The following DLGAP5 variants were observed in gnomAD, a reference collection of about 807,000 sequenced individuals.
DLGAP5 encodes DLG associated protein 5.
In DLGAP5, 90 loss-of-function variants were observed where a neutral mutation model predicts 99.6. The ratio of observed to expected loss-of-function variants is 0.90; its 90% CI spans 0.76 to 1.08. DLGAP5 has a LOEUF of 1.08. Ranked by LOEUF, DLGAP5 falls within the 50% of genes least tolerant of loss-of-function variation. The pLI, the probability that DLGAP5 is intolerant of heterozygous loss-of-function variation, is 0.00. For synonymous variants in DLGAP5, 311 were observed against 321.3 expected (o/e 0.97, Z 0.34); for missense variants, 1,036 against 983.5 (o/e 1.05, Z -0.71).
At chr14:55,170,875 G>A (rs1162791936) in intron 10 of DLGAP5, 88 bp from the exon 11 acceptor site, 9 of 920,356 alleles carry the variant, frequency 9.8e-6, no homozygotes, top group African/African-American at 4.9e-5. Flanking sequence ...CATAACATTA[G>A]GAAGTTATAA....
chr14:55,180,954 A>G (rs1250367793), intron 5 of DLGAP5, among the ~76,000 whole-genome samples, 176 bp from the exon 6 acceptor site: 5 of 152,124 alleles, frequency 3.3e-5, no homozygotes, highest in Non-Finnish European at 5.9e-5. Flanking sequence ...CCGTCTCTAC[A>G]AAAAATATAA....
chr14:55,179,002 G>A (rs775735616), intron 7 of DLGAP5, among the ~76,000 whole-genome samples: 2 of 152,040 alleles, frequency 1.3e-5, no homozygotes, highest in African/African-American at 2.4e-5. Flanking sequence ...AGCCAAGATC[G>A]CGCCATTGCA....
At chr14:55,176,806 G>A (rs113179485) in intron 8 of DLGAP5, among the ~76,000 whole-genome samples, 16,658 of 151,254 alleles carry the variant, frequency 0.11, 1,269 homozygotes, top group Non-Finnish European at 0.16. Context: ...GTGAAACCCC[G>A]TCTCTACTAA....
At chr14:55,180,475 T>C (rs1215096820) in intron 6 of DLGAP5, among the ~76,000 whole-genome samples, 181 bp downstream of exon 6, 2 of 152,252 alleles carry the variant, frequency 1.3e-5, no homozygotes, top group Non-Finnish European at 2.9e-5. Context: ...AGGTCTTCAA[T>C]GATTGGGCAC....
chr14:55,189,397 T>C (rs745973251), intron 1 of DLGAP5, among the ~76,000 whole-genome samples: 1 of 151,932 alleles, frequency 6.6e-6, no homozygotes, highest in Non-Finnish European at 1.5e-5. Flanking sequence ...GCTTGACCAG[T>C]GAAGAGAAAG....
At position 55,188,960 on chromosome 14, in the gene DLGAP5, T is replaced by C. The variant is rs1332478530; in HGVS notation, c.220A>G (p.Lys74Glu). ...DETSQGLVPE[K>E]TNVKPRAMKT... ...TACTTACTTGGCTTAACATTGGTCT[T>C]TTCTGGAACAAGCCCTTGAGATGTC... Residue 74 changes from lysine to glutamate, a missense_variant, in exon 2 of 19, where the codon AAG (lysine) becomes GAG (glutamate). Coordinates refer to ENST00000247191, the MANE Select transcript of DLGAP5 (RefSeq NM_014750.5). The C allele has an allele frequency of 6.2e-7, 1 of 1,613,174 alleles. No individual in the cohort carries two copies. Among genetic ancestry groups the C allele is most frequent in the Non-Finnish European group, 8.5e-7 (1 of 1,179,834 alleles).
intron 13 of DLGAP5, among the ~76,000 whole-genome samples, chr14:55,159,683 G>C (rs759207464): frequency 6.6e-6 from 1 of 152,090 alleles, no homozygotes; most frequent in Admixed American, 6.5e-5. Context: ...GATTTTTAAG[G>C]TATATTGAGT....
At chr14:55,174,101 A>G (rs183019133) in intron 10 of DLGAP5, among the ~76,000 whole-genome samples, 37 of 152,296 alleles carry the variant, frequency 2.4e-4, no homozygotes, top group Middle Eastern at 3.4e-3. Flanking sequence ...ATATCACTGA[A>G]TTCTTTTTCT....
intron 18 of DLGAP5, 97 bp from the exon 19 acceptor site, chr14:55,148,570 T>A: frequency 6.3e-7 from 1 of 1,589,396 alleles, no homozygotes; most frequent in Non-Finnish European, 8.5e-7. Flanking sequence ...ATAACAAAAA[T>A]AAACCGGGTG....
intron 6 of DLGAP5, 32 bp from the exon 7 acceptor site, chr14:55,179,731 G>C: frequency 6.5e-7 from 1 of 1,545,730 alleles, no homozygotes. Flanking sequence ...TATTTTACTA[G>C]ATAGAAATGC....
rs549136687 is a variant in DLGAP5, at chr14:55,172,454, T to C, written c.1302-1667A>G. Among the ~76,000 whole-genome samples, 173 of 143,022 alleles carry C rather than the reference T, an allele frequency of 1.2e-3. 1 individual carries two copies. Among genetic ancestry groups the C allele is most frequent in the African/African-American group, 4.1e-3 (167 of 41,088 alleles). The allele number at this position is 143,022 out of a possible 152,430, so 93.8% of individuals were successfully genotyped here. A position where few individuals can be genotyped will look rare whatever the true frequency, so the allele number is the denominator to read the frequency against. ...TTGGTTTTAAATGTCTAGATATTAG[T>C]ACAAAATTCTTTATTTTTATTTTTT... On this transcript the variant is annotated intron_variant, in intron 10 of 18. Coordinates refer to ENST00000247191, the MANE Select transcript of DLGAP5 (RefSeq NM_014750.5).
intron 15 of DLGAP5, among the ~76,000 whole-genome samples, chr14:55,154,401 C>T (rs182764922): frequency 2.6e-5 from 4 of 152,278 alleles, no homozygotes; most frequent in South Asian, 2.1e-4. Context: ...CTTCTTACTG[C>T]TGCAGAATTT....
At position 55,154,630 on chromosome 14, in the gene DLGAP5, T is replaced by C. The variant is rs1882139515; in HGVS notation, c.2050A>G (p.Ile684Val). Residue 684 changes from isoleucine (I) to valine (V), a missense_variant, in exon 15 of 19, where the codon ATT becomes GTT. By Grantham distance (29) the Ile-to-Val change is conservative. Transcript: ENST00000247191. ...EHVKKTLFLS[I>V]PESRSSIEDA... Reference sequence around the variant, plus strand: ...TTAAAGAAATACCTGCTTTCAGGAATACTCAAAAACAAAGTCTTCTTCACA... The same window carrying C: ...TTAAAGAAATACCTGCTTTCAGGAACACTCAAAAACAAAGTCTTCTTCACA... The C allele has an allele frequency of 1.2e-6, 2 of 1,613,784 alleles. No homozygotes were observed. Among genetic ancestry groups the C allele is most frequent in the Non-Finnish European group, 1.7e-6 (2 of 1,179,828 alleles).
chr14:55,158,755 C>T lies in DLGAP5; in HGVS notation c.1654-14G>A. Reference sequence around the variant, plus strand: ...GACAACTTTTTTCTGCAAAGAGAAACTAACATAGTAAAGCTGCCCATTACC... The same window carrying T: ...GACAACTTTTTTCTGCAAAGAGAAATTAACATAGTAAAGCTGCCCATTACC... On this transcript the variant is annotated splice_polypyrimidine_tract_variant and intron_variant, in intron 13 of 18. Transcript: ENST00000247191. The T allele has an allele frequency of 6.3e-7, 1 of 1,599,850 alleles. No individual in the cohort carries two copies. Among genetic ancestry groups the T allele is most frequent in the Non-Finnish European group, 8.6e-7 (1 of 1,167,850 alleles).
chr14:55,169,412 A>G lies in DLGAP5; in HGVS notation c.1535T>C (p.Met512Thr), dbSNP rs1882770817. Reference sequence around the variant, plus strand: ...TGAACCACATACCTGAAAACTAACCATATCCCAAAATCCATCCAGATCTGT... The same window carrying G: ...TGAACCACATACCTGAAAACTAACCGTATCCCAAAATCCATCCAGATCTGT... Reference protein sequence around the residue: ...TCTDLDGFWDMVSFQIEDVIH... With the variant: ...TCTDLDGFWDTVSFQIEDVIH... The change falls in exon 12 of 19, where the codon ATG (methionine) becomes ACG (threonine). Residue 512 changes from methionine to threonine, a missense_variant. Physicochemically the swap from Met to Thr is moderately conservative, Grantham distance 81. Transcript: ENST00000247191. 1.9e-6 allele frequency: 3 copies of G among 1,540,916 alleles called. No homozygotes were observed. The highest frequency in any genetic ancestry group is 2.6e-6 in the Non-Finnish European group (3 of 1,150,904).
At chr14:55,162,005 C>A (rs1473655180) in intron 13 of DLGAP5, among the ~76,000 whole-genome samples, 1 of 149,668 alleles carries the variant, frequency 6.7e-6, no homozygotes, top group Non-Finnish European at 1.5e-5. Flanking sequence ...TAATAAAATA[C>A]CAATCTAGAC....
Position 55,177,087 on chromosome 14 carries a change from T to G in DLGAP5, c.1024A>C (p.Thr342Pro). 6.6e-7 allele frequency: 1 copy of G among 1,507,034 alleles called. No homozygotes were observed. 93.4% of individuals were successfully genotyped at this position (1,507,034 alleles called of 1,614,324 possible). ...ACTTCTGTTTTTAAAGGAGTCCAGG[T>G]GTAACTGGGTGTCAAAAAAGCATTG... ...SANAFLTPSY[T>P]WTPLKTEVDE... The change falls in exon 8 of 19, where the codon ACC becomes CCC. Residue 342 changes from threonine (T) to proline (P), a missense_variant. By Grantham distance (38) the Thr-to-Pro change is conservative (BLOSUM62 -1). Coordinates refer to ENST00000247191, the MANE Select transcript of DLGAP5 (RefSeq NM_014750.5).
rs1881897482 is a variant in DLGAP5 at position 55,148,432 on chromosome 14, C to T, written c.2460G>A (p.Arg820=). 1 of 1,614,058 alleles carries T rather than the reference C, an allele frequency of 6.2e-7. No individual in the cohort carries two copies. The highest frequency in any genetic ancestry group is 8.5e-7 in the Non-Finnish European group (1 of 1,180,028). ...TGTGTCTGGCATGTTCTTGATGTCT[C>T]CTCTCCAGCTGAGTAAATGGATTAC... The part of the protein sequence containing the change: ...NCSNPFTQLE[R]RHQEHARHIS... Residue 820 remains arginine, a synonymous_variant, in exon 19 of 19, where the codon AGG becomes AGA. Coordinates refer to ENST00000247191, the MANE Select transcript of DLGAP5 (RefSeq NM_014750.5).
chr14:55,158,559 T>C lies in DLGAP5; in HGVS notation c.1836A>G (p.Gly612=), dbSNP rs1400798625. 2 of 1,613,978 alleles carry C rather than the reference T, an allele frequency of 1.2e-6. No individual in the cohort carries two copies. The highest frequency in any genetic ancestry group is 1.7e-6 in the Non-Finnish European group (2 of 1,179,986). ...TAACAGGACTTTCAACTCTGAAAAATCCAGCATCGAACACTATTTTATCAA... is the reference window on the plus strand; with the variant it reads ...TAACAGGACTTTCAACTCTGAAAAACCCAGCATCGAACACTATTTTATCAA... ...KEVDKIVFDA[G]FFRVESPVKL... Residue 612 remains glycine (G), a synonymous_variant, in exon 14 of 19, where the codon GGA becomes GGG. Transcript: ENST00000247191.
Sources: gnomAD v4.1 joint callset for allele counts (sites outside exome capture counted in the v4.1 genomes callset) on GRCh38, gnomAD v4.1.1 for gene constraint, MANE v1.5 for transcripts, NCBI Gene and HGNC (gene_info 2026-07-23, HGNC 2026-07-21) for gene names.